Variants in AFF3 observed in about 807,000 individuals in gnomAD.
AFF3 encodes AF4/FMR2 family member 3.
AFF3 carries 32 observed loss-of-function variants against 129.7 expected under a neutral mutation model. That is an observed-to-expected ratio of 0.25 (90% confidence interval 0.19 to 0.33). The LOEUF (loss-of-function observed/expected upper bound fraction) is 0.33, where lower values mean the gene tolerates loss of function less well. Ranked by LOEUF, AFF3 falls within the 10% of genes least tolerant of loss-of-function variation. AFF3 has a pLI of 1.00. For synonymous variants in AFF3, 644 were observed against 635.4 expected (o/e 1.01, Z -0.20); for missense variants, 1,373 against 1,592.0 (o/e 0.86, Z 2.34).
chr2:99,961,052 T>C (rs941545001), intron 7 of AFF3, among the ~76,000 whole-genome samples: 4 of 152,194 alleles, frequency 2.6e-5, no homozygotes, highest in African/African-American at 9.7e-5. Flanking sequence ...CCAGATACCC[T>C]TTCAGCCTTT....
At chr2:99,857,733 TTC>T (rs1186028595) in intron 7 of AFF3, among the ~76,000 whole-genome samples, 4 of 152,196 alleles carry the variant, frequency 2.6e-5, no homozygotes, top group African/African-American at 9.7e-5. Context: ...TAATTAATCA[TTC>T]TCTTTTATAT....
intron 11 of AFF3, among the ~76,000 whole-genome samples, chr2:99,703,793 T>C (rs1677103557): frequency 6.6e-6 from 1 of 152,218 alleles, no homozygotes; most frequent in Non-Finnish European, 1.5e-5. Flanking sequence ...ACATCTGGCC[T>C]CAAGCAATGC....
chr2:99,761,433 T>C (rs1682582824), intron 8 of AFF3, among the ~76,000 whole-genome samples: 1 of 152,136 alleles, frequency 6.6e-6, no homozygotes, highest in Non-Finnish European at 1.5e-5. Flanking sequence ...ACCCACACAC[T>C]GATGGTGCAT....
intron 11 of AFF3, among the ~76,000 whole-genome samples, chr2:99,684,808 C>T (rs966270359): frequency 2.6e-5 from 4 of 151,940 alleles, no homozygotes; most frequent in Non-Finnish European, 5.9e-5. Context: ...ACCACTTTTG[C>T]AGCACTTTGC....
intron 12 of AFF3, among the ~76,000 whole-genome samples, chr2:99,651,860 T>C (rs1685289978): frequency 6.6e-6 from 1 of 152,178 alleles, no homozygotes; most frequent in Non-Finnish European, 1.5e-5. Flanking sequence ...AGAACCATTT[T>C]CTCTGTTATG....
At chr2:99,684,500 G>A (rs1019130891) in intron 11 of AFF3, among the ~76,000 whole-genome samples, 8 of 152,094 alleles carry the variant, frequency 5.3e-5, no homozygotes, top group Non-Finnish European at 1.0e-4. Flanking sequence ...TCGTATAAAC[G>A]TGAAGAGGAG....
At chr2:99,675,677 A>T (rs1397414757) in intron 11 of AFF3, among the ~76,000 whole-genome samples, 1 of 152,186 alleles carries the variant, frequency 6.6e-6, no homozygotes. Flanking sequence ...TGAACAATGA[A>T]ACATGGTTAG....
In AFF3 at chr2:99,726,654, T is replaced by C. The variant is rs145368310; in HGVS notation, c.1091+423A>G. 2.0e-4 allele frequency among the ~76,000 whole-genome samples: 30 copies of C among 152,342 alleles called. 1 individual carries two copies. The highest frequency in any genetic ancestry group is 1.7e-3 in the South Asian group (8 of 4,826). ...AGAAACTCTTGAGATTCCAGAGATA[T>C]CGATAATTGTGCTTTTCACATAATT... On this transcript the variant is annotated intron_variant, in intron 11 of 24. Transcript: ENST00000672756.
At chr2:99,675,664 A>G (rs1280888546) in intron 11 of AFF3, among the ~76,000 whole-genome samples, 1 of 152,242 alleles carries the variant, frequency 6.6e-6, no homozygotes, top group African/African-American at 2.4e-5. Flanking sequence ...TGAAGTTTAT[A>G]GCTGAACAAT....
At chr2:99,732,402 G>GT (rs150304296) in intron 10 of AFF3, among the ~76,000 whole-genome samples, 9,315 of 146,982 alleles carry the variant, frequency 0.063, 399 homozygotes, top group East Asian at 0.17. Context: ...TTTCTGGAGA[G>GT]TTTTTTTTTT....
chr2:99,931,801 A>T (rs920101832), intron 7 of AFF3, among the ~76,000 whole-genome samples: 1 of 152,104 alleles, frequency 6.6e-6, no homozygotes, highest in Admixed American at 6.5e-5. Context: ...CCCAGCTACT[A>T]AAGAGGCTGA....
chr2:99,757,538 C>T (rs1237647952), intron 8 of AFF3, among the ~76,000 whole-genome samples: 1 of 152,164 alleles, frequency 6.6e-6, no homozygotes, highest in East Asian at 1.9e-4. Flanking sequence ...CTCATACCCA[C>T]CCTGAAAGGT....
intron 24 of AFF3, among the ~76,000 whole-genome samples, chr2:99,553,453 C>G (rs1410351893): frequency 6.6e-6 from 1 of 152,160 alleles, no homozygotes; most frequent in African/African-American, 2.4e-5. Flanking sequence ...ATGGAGTGAA[C>G]TCAGATTTGC....
At chr2:99,704,918 C>T (rs1677210147) in intron 11 of AFF3, among the ~76,000 whole-genome samples, 1 of 152,096 alleles carries the variant, frequency 6.6e-6, no homozygotes, top group Non-Finnish European at 1.5e-5. Flanking sequence ...AGTTAGAGAT[C>T]TCGATCTGGG....
chr2:99,590,307 A>G (rs1678541928), intron 15 of AFF3, among the ~76,000 whole-genome samples: 1 of 152,252 alleles, frequency 6.6e-6, no homozygotes, highest in African/African-American at 2.4e-5. Flanking sequence ...GCAGAAGCGC[A>G]GGCAGAACCT....
intron 13 of AFF3, among the ~76,000 whole-genome samples, chr2:99,612,099 C>T (rs1218585150): frequency 2.0e-5 from 3 of 152,160 alleles, no homozygotes; most frequent in Non-Finnish European, 4.4e-5. Flanking sequence ...TTTGCCTTCT[C>T]CCCGCCTTTC....
chr2:99,776,951 G>A (rs1683952310), intron 8 of AFF3, among the ~76,000 whole-genome samples: 1 of 152,194 alleles, frequency 6.6e-6, no homozygotes, highest in South Asian at 2.1e-4. Context: ...ATGTCAAGGG[G>A]CACAGAAAAT....
chr2:99,571,988 T>C lies in AFF3; in HGVS notation c.2919-3073A>G, dbSNP rs574688573. On this transcript the variant is annotated intron_variant, in intron 18 of 24. Transcript: ENST00000672756. ...CAAATAGATTTTCCATCTAATCTTC[T>C]ATTTTTTTTTTAACATGGAAAACCT... Among the ~76,000 whole-genome samples the C allele has an allele frequency of 1.6e-4, 24 of 151,692 alleles. No individual in the cohort carries two copies. In the South Asian group the frequency reaches 3.3e-3, roughly 21 times the overall value.
chr2:99,875,816 A>AGACCCTC lies in AFF3; in HGVS notation c.874-38293_874-38292insGAGGGTC, dbSNP rs1692252946. 2.0e-5 allele frequency among the ~76,000 whole-genome samples: 3 copies of AGACCCTC among 152,296 alleles called. No individual in the cohort carries two copies. The South Asian group carries it at 6.2e-4, about 32-fold the overall frequency. ...GCTCAATATGGTCTCCCAGGCATGC[A>AGACCCTC]CTTTGACATTTACCCTCCAAACAGC... On this transcript the variant is annotated intron_variant, in intron 7 of 24. Transcript: ENST00000672756.
Sources: gnomAD v4.1 joint callset for allele counts (sites outside exome capture counted in the v4.1 genomes callset) on GRCh38, gnomAD v4.1.1 for gene constraint, MANE v1.5 for transcripts, NCBI Gene and HGNC (gene_info 2026-07-23, HGNC 2026-07-21) for gene names.